Variants in DAPK1 observed in about 807,000 individuals in gnomAD.
DAPK1 encodes death associated protein kinase 1, also known as death-associated protein kinase 1.
In DAPK1, 56 loss-of-function variants were observed where a neutral mutation model predicts 144.9. The observed-to-expected ratio is 0.39, with a 90% CI of 0.31 to 0.48. The LOEUF (loss-of-function observed/expected upper bound fraction) is 0.48. DAPK1 is among the 20% of genes least tolerant of loss of function. DAPK1 has a pLI of 0.95. For synonymous variants in DAPK1, 690 were observed against 749.0 expected, an observed-to-expected ratio of 0.92 and a Z score of 1.29; for missense variants, 1,454 against 1,875.4, an observed-to-expected ratio of 0.78 and a Z score of 4.15.
intron 3 of DAPK1, among the ~76,000 whole-genome samples, chr9:87,612,641 T>A (rs1450877464): frequency 1.3e-5 from 2 of 152,254 alleles, no homozygotes; most frequent in African/African-American, 4.8e-5. Flanking sequence ...ACTGGGAGCC[T>A]ACTCGCATGT....
At chr9:87,550,198 C>T (rs1384916650) in intron 2 of DAPK1, among the ~76,000 whole-genome samples, 1 of 152,220 alleles carries the variant, frequency 6.6e-6, no homozygotes, top group Non-Finnish European at 1.5e-5. Context: ...ACCCCCATCC[C>T]TCCAAAGGAA....
At chr9:87,654,091 A>T (rs1277978567) in intron 17 of DAPK1, among the ~76,000 whole-genome samples, 2 of 152,166 alleles carry the variant, frequency 1.3e-5, no homozygotes, top group Non-Finnish European at 2.9e-5. Flanking sequence ...GACTAAAGAG[A>T]TGCTATCATT....
At chr9:87,633,927 G>A (rs1286568595) in intron 3 of DAPK1, among the ~76,000 whole-genome samples, 1 of 152,206 alleles carries the variant, frequency 6.6e-6, no homozygotes, top group Non-Finnish European at 1.5e-5. Flanking sequence ...ATTTGGAGAA[G>A]AGGAGAAGGG....
chr9:87,609,907 T>A (rs1828867890), intron 3 of DAPK1, among the ~76,000 whole-genome samples: 2 of 152,194 alleles, frequency 1.3e-5, no homozygotes. Context: ...CTTGTGCCTG[T>A]CTCTACCTTA....
At chr9:87,552,059 C>T (rs528863577) in intron 2 of DAPK1, among the ~76,000 whole-genome samples, 2 of 141,606 alleles carry the variant, frequency 1.4e-5, no homozygotes, top group Non-Finnish European at 3.1e-5. Context: ...GCAGGCCTCG[C>T]GAGGCTGGCT....
Position 87,648,767 on chromosome 9 carries a change from C to A in DAPK1, c.1330-14C>A, listed in dbSNP as rs1415980618. 6.2e-7 allele frequency: 1 copy of A among 1,612,308 alleles called. No individual in the cohort carries two copies. ...AGATGTGGCTCTGAATCACCGGCTC[C>A]TTTTCTTCTGCAGTCTGGAGAGATG... On this transcript the variant is annotated splice_polypyrimidine_tract_variant and intron_variant, in intron 14 of 25. Transcript: ENST00000408954.
At chr9:87,699,222 G>A (rs939124075) in intron 23 of DAPK1, among the ~76,000 whole-genome samples, 2 of 152,156 alleles carry the variant, frequency 1.3e-5, no homozygotes, top group Admixed American at 1.3e-4. Flanking sequence ...AAATACAAAT[G>A]AAGAGCACGT....
intron 15 of DAPK1, 43 bp downstream of exon 15, chr9:87,648,922 G>T: frequency 1.3e-6 from 2 of 1,497,490 alleles, no homozygotes; most frequent in Non-Finnish European, 1.9e-6. Flanking sequence ...CTCTATACAT[G>T]AATGTACAGG....
At chr9:87,531,874 T>TTAA (rs1825710883) in intron 2 of DAPK1, among the ~76,000 whole-genome samples, 1 of 152,192 alleles carries the variant, frequency 6.6e-6, no homozygotes, top group Non-Finnish European at 1.5e-5. Flanking sequence ...GGCCTCCTTA[T>TTAA]TGTGCAGTAG....
intron 17 of DAPK1, among the ~76,000 whole-genome samples, chr9:87,655,661 A>C (rs1405689816): frequency 6.6e-6 from 1 of 152,238 alleles, no homozygotes; most frequent in Non-Finnish European, 1.5e-5. Context: ...ACGCTAATGC[A>C]GTGAAACAGA....
At chr9:87,627,359 A>G (rs984046724) in intron 3 of DAPK1, among the ~76,000 whole-genome samples, 1 of 152,202 alleles carries the variant, frequency 6.6e-6, no homozygotes, top group African/African-American at 2.4e-5. Context: ...GACTTTACTG[A>G]GAGCTGAGAA....
chr9:87,497,782 C>T (rs985214031), upstream of DAPK1: 22 of 350,728 alleles, frequency 6.3e-5, no homozygotes, highest in African/African-American at 4.7e-4. Context: ...GGTGGGTGGG[C>T]CGCGCCGCCA....
chr9:87,627,163 T>C (rs972665625), intron 3 of DAPK1, among the ~76,000 whole-genome samples: 7 of 152,142 alleles, frequency 4.6e-5, no homozygotes, highest in African/African-American at 1.7e-4. Context: ...GGCGCCCACA[T>C]GGAGAGGGGT....
rs374150775 is a variant in DAPK1, at chr9:87,707,006, A to G, written c.3935A>G (p.Lys1312Arg). 8.1e-5 allele frequency: 131 copies of G among 1,613,460 alleles called. No individual in the cohort carries two copies. The highest frequency in any genetic ancestry group is 1.1e-4 in the Non-Finnish European group (125 of 1,179,916). ...GACCTGAACCTCCTCACTCGGAGGA[A>G]ACTGAGTCGCCTGCTGGACCCGCCC... Reference protein sequence around the residue: ...ASDLNLLTRRKLSRLLDPPDP... With the variant: ...ASDLNLLTRRRLSRLLDPPDP... Residue 1312 changes from lysine (K) to arginine (R), a missense_variant, in exon 26 of 26, where the codon AAA becomes AGA. Physicochemically the swap from Lys to Arg is conservative, Grantham distance 26 (BLOSUM62 2). Around this residue, in one of 2 missense-constraint regions of DAPK1, gnomAD observed 1,025 missense variants for 1,237.9 expected, o/e 0.83. Transcript: ENST00000408954. The surrounding 1 kb of genome is among the most constrained non-coding windows in gnomAD (Gnocchi z 4.0).
At chr9:87,575,506 T>C (rs1827524002) in intron 2 of DAPK1, among the ~76,000 whole-genome samples, 1 of 152,146 alleles carries the variant, frequency 6.6e-6, no homozygotes, top group African/African-American at 2.4e-5. Flanking sequence ...GTGTGGTTTC[T>C]GAGATCCCGA....
At chr9:87,646,393 A>G (rs940681075) in intron 12 of DAPK1, 68 bp from the exon 13 acceptor site, 6 of 1,155,520 alleles carry the variant, frequency 5.2e-6, no homozygotes, top group African/African-American at 1.5e-5. Flanking sequence ...GGTAACAGCA[A>G]TCATCGTTTG....
In DAPK1 at chr9:87,646,494, T is replaced by G; in HGVS notation, c.1165T>G (p.Cys389Gly). 1 of 1,614,050 alleles carries G rather than the reference T, an allele frequency of 6.2e-7. No individual in the cohort carries two copies. Among genetic ancestry groups the G allele is most frequent in the Non-Finnish European group, 8.5e-7 (1 of 1,179,890 alleles). The part of the protein sequence containing the change: ...GTPPLLIAAG[C>G]GNIQILQLLI... ...ACCTCCATTACTCATTGCTGCTGGCTGTGGGAATATTCAAATACTACAGTT... is the reference window on the plus strand; with the variant it reads ...ACCTCCATTACTCATTGCTGCTGGCGGTGGGAATATTCAAATACTACAGTT... The change falls in exon 13 of 26, where the codon TGT becomes GGT. Residue 389 changes from cysteine to glycine, a missense_variant. Around this residue, in one of 2 missense-constraint regions of DAPK1, gnomAD observed 429 missense variants for 637.5 expected, o/e 0.67. Transcript: ENST00000408954.
At chr9:87,609,730 T>G (rs1418279381) in intron 3 of DAPK1, among the ~76,000 whole-genome samples, 1 of 152,174 alleles carries the variant, frequency 6.6e-6, no homozygotes, top group African/African-American at 2.4e-5. Flanking sequence ...AATGAAGAAC[T>G]TGTCAGAATA....
At chr9:87,497,849 G>A (rs1364303952), upstream of DAPK1, 3 of 391,414 alleles carry the variant, frequency 7.7e-6, no homozygotes, top group Non-Finnish European at 1.4e-5. Flanking sequence ...CCAAAAGGCG[G>A]CAAGGAGCCG....
Sources: allele counts gnomAD v4.1 joint callset (sites outside exome capture counted in the v4.1 genomes callset), GRCh38; gene constraint gnomAD v4.1.1; regional missense constraint gnomAD v4.1.1; non-coding constraint Gnocchi (gnomAD v3.1); transcripts MANE v1.5; gene names NCBI Gene and HGNC (gene_info 2026-07-23, HGNC 2026-07-21).